The following INPP5B variants were observed in gnomAD, a reference collection of about 807,000 sequenced individuals.
INPP5B encodes type II inositol 1,4,5-trisphosphate 5-phosphatase.
INPP5B carries 90 observed loss-of-function variants against 118.5 expected under a neutral mutation model. The observed-to-expected ratio is 0.76, with a 90% CI of 0.64 to 0.90. INPP5B has a LOEUF of 0.90. INPP5B is among the 40% of genes least tolerant of loss of function. INPP5B has a pLI of 0.00. For missense variants in INPP5B, 984 were observed against 1,125.6 expected, an observed-to-expected ratio of 0.87 and a Z score of 1.80; for synonymous variants, 385 against 418.9, an observed-to-expected ratio of 0.92 and a Z score of 0.99.
intron 6 of INPP5B, among the ~76,000 whole-genome samples, chr1:37,936,130 C>A (rs1645679832): frequency 1.3e-5 from 2 of 152,094 alleles, no homozygotes; most frequent in Admixed American, 6.6e-5. Flanking sequence ...AAAGTCCAAG[C>A]TCTTTGCTGG....
At chr1:37,871,748 C>A (rs1642454424) in intron 19 of INPP5B, among the ~76,000 whole-genome samples, 1 of 151,106 alleles carries the variant, frequency 6.6e-6, no homozygotes. Context: ...ACTAAAATAC[C>A]AAAATTAGCA....
At chr1:37,895,499 C>T (rs920697070) in intron 7 of INPP5B, among the ~76,000 whole-genome samples, 2 of 151,832 alleles carry the variant, frequency 1.3e-5, no homozygotes, top group Non-Finnish European at 2.9e-5. Context: ...CCCCCTCCCC[C>T]TCCCTCTCTC....
intron 19 of INPP5B, chr1:37,870,749 A>T (rs1271828666): frequency 2.0e-5 from 3 of 152,278 alleles, no homozygotes; most frequent in African/African-American, 7.2e-5. Flanking sequence ...TGTTGTTGAT[A>T]AACCACCCAG....
intron 7 of INPP5B, chr1:37,931,359 A>G (rs906280183): frequency 2.4e-6 from 3 of 1,246,464 alleles, no homozygotes; most frequent in Middle Eastern, 2.0e-4. Flanking sequence ...GCAAGCTCAG[A>G]TGGAGCAACA....
chr1:37,943,770 T>A, intron 4 of INPP5B, 26 bp downstream of exon 4: 1 of 1,611,904 alleles, frequency 6.2e-7, no homozygotes, highest in East Asian at 2.2e-5. Context: ...AGGAGAGGAT[T>A]CATACCACCC....
intron 18 of INPP5B, 61 bp from the exon 19 acceptor site, chr1:37,873,226 A>C (rs1476913892): frequency 2.0e-5 from 24 of 1,200,696 alleles, no homozygotes; most frequent in South Asian, 1.3e-4. Flanking sequence ...AGGGGAAAGA[A>C]GGCAGGAGGG....
intron 7 of INPP5B, among the ~76,000 whole-genome samples, chr1:37,914,443 C>G (rs1168224889): frequency 6.6e-6 from 1 of 152,096 alleles, no homozygotes; most frequent in African/African-American, 2.4e-5. Flanking sequence ...ATGAAAAGAT[C>G]TTTATAAATA....
Position 37,878,330 on chromosome 1 carries a change from T to C in INPP5B, c.1542-7A>G. On this transcript the variant is annotated splice_polypyrimidine_tract_variant and splice_region_variant and intron_variant, in intron 15 of 23. Transcript: ENST00000373024. ...AGGAGCACGGCACTTCTCACTGAAA[T>C]GCAAAGTCCACACTGGAAGTACTCA... 1 of 1,613,720 alleles carries C rather than the reference T, an allele frequency of 6.2e-7. No individual in the cohort carries two copies. Among genetic ancestry groups the C allele is most frequent in the Non-Finnish European group, 8.5e-7 (1 of 1,179,792 alleles).
intron 18 of INPP5B, 34 bp from the exon 19 acceptor site, chr1:37,873,199 G>C (rs1476226842): frequency 6.7e-7 from 1 of 1,492,414 alleles, no homozygotes; most frequent in Non-Finnish European, 9.3e-7. Context: ...TGTTGGCCGG[G>C]GGCAGGCCAA....
chr1:37,927,543 T>C (rs1267024896), intron 7 of INPP5B, among the ~76,000 whole-genome samples: 2 of 151,030 alleles, frequency 1.3e-5, no homozygotes, highest in Admixed American at 6.6e-5. Context: ...TTCTTTCTTT[T>C]TTTTTTTTTT....
At chr1:37,899,352 T>G (rs1644243492) in intron 7 of INPP5B, among the ~76,000 whole-genome samples, 1 of 151,690 alleles carries the variant, frequency 6.6e-6, no homozygotes, top group East Asian at 1.9e-4. Context: ...TCACCTGAGG[T>G]TGGGAGTTCG....
At chr1:37,939,108 C>T (rs1177938581) in intron 6 of INPP5B, among the ~76,000 whole-genome samples, 4 of 150,026 alleles carry the variant, frequency 2.7e-5, no homozygotes, top group African/African-American at 9.8e-5. Flanking sequence ...GCAGGAGAAT[C>T]GCTTGAACCC....
At chr1:37,913,036 T>C (rs111501991) in intron 7 of INPP5B, among the ~76,000 whole-genome samples, 14,085 of 151,458 alleles carry the variant, frequency 0.093, 803 homozygotes, top group Middle Eastern at 0.23. Flanking sequence ...GGTGGGCAGA[T>C]CACGAGGTCA....
chr1:37,943,006 T>G (rs1480129118), intron 5 of INPP5B, among the ~76,000 whole-genome samples: 2 of 151,938 alleles, frequency 1.3e-5, no homozygotes, highest in Non-Finnish European at 2.9e-5. Flanking sequence ...GGGGGTTTTT[T>G]GTTTGTTTTT....
At chr1:37,894,561 CTT>C (rs759895009) in intron 7 of INPP5B, among the ~76,000 whole-genome samples, 44 of 138,958 alleles carry the variant, frequency 3.2e-4, no homozygotes, top group Admixed American at 2.9e-4. Context: ...TTTCTTTTTT[CTT>C]TTTTTTTTTT....
intron 22 of INPP5B, 99 bp downstream of exon 22, chr1:37,865,662 A>G: frequency 7.5e-7 from 1 of 1,327,752 alleles, no homozygotes; most frequent in East Asian, 2.5e-5. Context: ...TAAGGTGTTC[A>G]GTTTCTGAGA....
Position 37,880,176 on chromosome 1 carries a change from C to A in INPP5B, c.1450G>T (p.Ala484Ser), listed in dbSNP as rs368979685. ...AYDQLKIQVA[A>S]KTVFEGFTEG... is the part of the protein sequence containing the mutation. ...GTGAAGCCTTCAAAGACAGTCTTTG[C>A]GGCCACCTGAATTTTCAGCTATACA... Residue 484 changes from alanine to serine, a missense_variant, in exon 15 of 24, where the codon GCA becomes TCA. By Grantham distance (99) the Ala-to-Ser change is moderately conservative. This residue lies in a region of INPP5B where 634 missense variants were observed against 791.0 expected (regional missense o/e 0.80). Coordinates refer to ENST00000373024, the MANE Select transcript of INPP5B (RefSeq NM_005540.3). 8.1e-6 allele frequency: 13 copies of A among 1,602,462 alleles called. No homozygotes were observed. The highest frequency in any genetic ancestry group is 1.1e-5 in the Non-Finnish European group (13 of 1,171,900).
intron 9 of INPP5B, among the ~76,000 whole-genome samples, chr1:37,888,696 C>A (rs1643676074): frequency 6.6e-6 from 1 of 152,130 alleles, no homozygotes; most frequent in South Asian, 2.1e-4. Flanking sequence ...GGCAAGAAAG[C>A]AACACCAGTA....
chr1:37,931,530 C>T (rs1191605880), intron 7 of INPP5B: 3 of 1,536,080 alleles, frequency 2.0e-6, no homozygotes, highest in Non-Finnish European at 2.6e-6. Context: ...GCCCCAGTGT[C>T]CCAGCCTCCA....
Sources: gnomAD v4.1 joint callset for allele counts (sites outside exome capture counted in the v4.1 genomes callset) on GRCh38, gnomAD v4.1.1 for gene constraint, gnomAD v4.1.1 regional missense constraint, MANE v1.5 for transcripts, NCBI Gene and HGNC (gene_info 2026-07-23, HGNC 2026-07-21) for gene names.